The following ARFGAP3 variants were observed in gnomAD, a reference collection of about 807,000 sequenced individuals.
ARFGAP3 encodes ADP-ribosylation factor GTPase-activating protein 3.
Under a neutral mutation model 75.0 loss-of-function variants are expected in ARFGAP3, and 72 were observed. That is an observed-to-expected ratio of 0.96 (90% CI 0.79 to 1.17). ARFGAP3 has a LOEUF of 1.17. ARFGAP3 is among the 50% of genes most tolerant of loss of function. The probability of loss-of-function intolerance (pLI) is 0.00; values close to 1 mark genes in which losing one functional copy is unlikely to be tolerated. For synonymous variants in ARFGAP3, 221 were observed against 217.9 expected, an observed-to-expected ratio of 1.01 and a Z score of -0.13; for missense variants, 620 against 626.6, an observed-to-expected ratio of 0.99 and a Z score of 0.11.
Position 42,814,152 on chromosome 22 carries a change from T to TA in ARFGAP3, c.1064+2989dup, listed in dbSNP as rs371314455. ...TCCTAGAAATAATGGAACTCAATAATAAAAAAAAACAAGGACAGGTTTTAT... is the reference window on the plus strand; with the variant it reads ...TCCTAGAAATAATGGAACTCAATAATAAAAAAAAAACAAGGACAGGTTTTAT... On this transcript the variant is annotated intron_variant, in intron 11 of 15. Transcript: ENST00000263245. 3.0e-3 allele frequency among the ~76,000 whole-genome samples: 451 copies of TA among 151,264 alleles called. 1 individual carries two copies. The highest frequency in any genetic ancestry group is 9.0e-3 in the African/African-American group (370 of 41,306).
chr22:42,853,113 T>C (rs1366335545), intron 1 of ARFGAP3, among the ~76,000 whole-genome samples: 1 of 152,250 alleles, frequency 6.6e-6, no homozygotes, highest in Non-Finnish European at 1.5e-5. Context: ...TCTGATTCCT[T>C]TTATCATGTG....
At chr22:42,831,788 T>TC in intron 5 of ARFGAP3, 152 bp from the exon 6 acceptor site, 1 of 1,426,308 alleles carries the variant, frequency 7.0e-7, no homozygotes. Flanking sequence ...TTTCTTGCTT[T>TC]CTTTTTTTTT....
chr22:42,812,270 C>T (rs1192218044), intron 11 of ARFGAP3, among the ~76,000 whole-genome samples: 1 of 146,030 alleles, frequency 6.8e-6, no homozygotes, highest in African/African-American at 2.6e-5. Context: ...TGCCAGAATT[C>T]ACGATAGCTT....
intron 1 of ARFGAP3, among the ~76,000 whole-genome samples, chr22:42,852,095 T>A (rs1263539322): frequency 2.0e-5 from 3 of 150,826 alleles, no homozygotes; most frequent in East Asian, 3.9e-4. Context: ...TGAGATAGGG[T>A]CTCATGCTGG....
chr22:42,831,568 G>A lies in ARFGAP3; in HGVS notation c.546C>T (p.Thr182=). ...CTCCACCTTCATTATTTTCCAAAGT[G>A]GTTTCCACAGGCCTTGATGTTAAAG... ...PSSLTSRPVE[T]TLENNEGGQE... is the part of the protein sequence containing the mutation. The change falls in exon 6 of 16, where the codon ACC becomes ACT. Residue 182 remains threonine, a synonymous_variant. Coordinates refer to ENST00000263245, the MANE Select transcript of ARFGAP3 (RefSeq NM_014570.5). 6.2e-7 allele frequency: 1 copy of A among 1,613,568 alleles called. No individual in the cohort carries two copies. Among genetic ancestry groups the A allele is most frequent in the Non-Finnish European group, 8.5e-7 (1 of 1,179,844 alleles).
At position 42,857,147 on chromosome 22, in the gene ARFGAP3, G is replaced by T; in HGVS notation, c.36C>A (p.Ile12=). Residue 12 remains isoleucine (I), a synonymous_variant, in exon 1 of 16, where the codon ATC becomes ATA. Transcript: ENST00000263245. ...GDPSKQDILT[I]FKRLRSVPTN... ...TGGGCACCGAGCGGAGGCGCTTGAA[G>T]ATGGTCAAGATGTCCTGCTTGCTGG... is the stretch of plus-strand genomic sequence containing the variant. 6.6e-7 allele frequency: 1 copy of T among 1,514,756 alleles called. No homozygotes were observed. The highest frequency in any genetic ancestry group is 1.2e-5 in the South Asian group (1 of 80,926). 93.8% of individuals were successfully genotyped at this position (1,514,756 alleles called of 1,614,324 possible).
rs564968870 is a variant in ARFGAP3, at chr22:42,834,218, AATGATGTGAAGCATAAT to A, written c.477+7_477+23del. On this transcript the variant is annotated splice_region_variant and intron_variant, in intron 5 of 15. Coordinates refer to ENST00000263245, the MANE Select transcript of ARFGAP3 (RefSeq NM_014570.5). Reference sequence around the variant, plus strand: ...AACTGTCAGAGTAAGCACACTTTAAAATGATGTGAAGCATAATACATACCTCAGGAGAAACGTGAGAG... The same window carrying A: ...AACTGTCAGAGTAAGCACACTTTAAAACATACCTCAGGAGAAACGTGAGAG... 2.5e-4 allele frequency: 399 copies of A among 1,605,874 alleles called. 1 individual carries two copies. In the African/African-American group the frequency reaches 4.9e-3, roughly 20 times the overall value.
intron 11 of ARFGAP3, 21 bp downstream of exon 11, chr22:42,817,121 C>T (rs879153076): frequency 8.6e-6 from 13 of 1,520,234 alleles, no homozygotes; most frequent in South Asian, 2.3e-5. Flanking sequence ...GACACTTCAA[C>T]GATGATTTGT....
At chr22:42,856,001 A>G (rs913328259) in intron 1 of ARFGAP3, among the ~76,000 whole-genome samples, 8 of 152,188 alleles carry the variant, frequency 5.3e-5, no homozygotes, top group African/African-American at 1.9e-4. Context: ...GGATCAAGGC[A>G]CTACACTTCA....
intron 8 of ARFGAP3, among the ~76,000 whole-genome samples, chr22:42,823,036 C>T (rs983441641): frequency 1.2e-4 from 18 of 152,162 alleles, no homozygotes; most frequent in South Asian, 4.1e-4. Flanking sequence ...TCTTGAACTC[C>T]GGGGCTCAAG....
chr22:42,812,571 C>T (rs555093034), intron 11 of ARFGAP3, among the ~76,000 whole-genome samples: 1 of 152,072 alleles, frequency 6.6e-6, no homozygotes, highest in Admixed American at 6.6e-5. Flanking sequence ...GAAGCAAGAA[C>T]CCATAAGAGC....
chr22:42,816,375 C>G lies in ARFGAP3; in HGVS notation c.1064+767G>C, dbSNP rs370590771. 3.3e-5 allele frequency among the ~76,000 whole-genome samples: 5 copies of G among 152,208 alleles called. No individual in the cohort carries two copies. In the East Asian group the frequency reaches 7.7e-4, roughly 23 times the overall value. ...TGACAAGTAAGTGAAAGCCAGGATT[C>G]AAATCCATGCCATCTGGCCCCTGGG... On this transcript the variant is annotated intron_variant, in intron 11 of 15. Coordinates refer to ENST00000263245, the MANE Select transcript of ARFGAP3 (RefSeq NM_014570.5).
chr22:42,853,291 C>A lies in ARFGAP3; in HGVS notation c.69+3823G>T, dbSNP rs114255117. 8.0e-3 allele frequency: 1,283 copies of A among 159,410 alleles called. 27 individuals carry two copies. Among genetic ancestry groups the A allele is most frequent in the African/African-American group, 0.029 (1,235 of 41,974 alleles). The allele number at this position is 159,410 out of a possible 1,614,324, so 9.9% of individuals were successfully genotyped here. On this transcript the variant is annotated intron_variant, in intron 1 of 15. Coordinates refer to ENST00000263245, the MANE Select transcript of ARFGAP3 (RefSeq NM_014570.5). ...CACTGGTGGCTGGAAAATTAGCTTA[C>A]GGGAGTGTCTGTCACTCAGATGGGC...
At chr22:42,834,360 C>T in intron 4 of ARFGAP3, 35 bp from the exon 5 acceptor site, 1 of 1,605,174 alleles carries the variant, frequency 6.2e-7, no homozygotes, top group East Asian at 2.2e-5. Context: ...CTGAGCATTT[C>T]ATCCGGCCTG....
intron 14 of ARFGAP3, among the ~76,000 whole-genome samples, chr22:42,799,827 A>G (rs1210129067): frequency 1.3e-5 from 2 of 152,168 alleles, no homozygotes; most frequent in Admixed American, 1.3e-4. Context: ...AGCCAAATAG[A>G]TGCATCACTG....
At position 42,808,814 on chromosome 22, in the gene ARFGAP3, T is replaced by G. The variant is rs757780559; in HGVS notation, c.1273A>C (p.Lys425Gln). The change falls in exon 13 of 16, where the codon AAG (lysine) becomes CAG (glutamine). Residue 425 changes from lysine to glutamine, a missense_variant. Physicochemically the swap from Lys to Gln is moderately conservative, Grantham distance 53. Coordinates refer to ENST00000263245, the MANE Select transcript of ARFGAP3 (RefSeq NM_014570.5). ...DEAQKKFGNV[K>Q]AISSDMYFGR... The stretch of plus-strand genomic sequence containing the variant: ...AAATACATATCTGATGAAATGGCCT[T>G]GACATTGCCAAACTTCTTCTGGGCC... The G allele has an allele frequency of 6.2e-7, 1 of 1,613,900 alleles. No individual in the cohort carries two copies. The highest frequency in any genetic ancestry group is 1.1e-5 in the South Asian group (1 of 90,996).
chr22:42,833,191 G>C (rs1377194770), intron 5 of ARFGAP3, among the ~76,000 whole-genome samples: 3 of 152,128 alleles, frequency 2.0e-5, no homozygotes, highest in East Asian at 3.9e-4. Flanking sequence ...CTTTGTGCCA[G>C]GTACTAAGTA....
intron 13 of ARFGAP3, among the ~76,000 whole-genome samples, chr22:42,808,186 T>C (rs1925209598): frequency 6.6e-6 from 1 of 151,528 alleles, no homozygotes; most frequent in Admixed American, 6.6e-5. Context: ...TCACCTGAGG[T>C]CAGGAGTTCA....
In ARFGAP3 at chr22:42,817,248, C is replaced by G. The variant is rs772250057; in HGVS notation, c.958G>C (p.Val320Leu). Residue 320 changes from valine to leucine, a missense_variant, in exon 11 of 16, where the codon GTG becomes CTG. Physicochemically the swap from Val to Leu is conservative, Grantham distance 32 (BLOSUM62 1). Coordinates refer to ENST00000263245, the MANE Select transcript of ARFGAP3 (RefSeq NM_014570.5). ...GNCRSVISHS[V>L]TSDMQTIEQE... Reference sequence around the variant, plus strand: ...TCTATGGTCTGCATATCTGAAGTCACTGAATGTGAAATAACACTTGAGAAA... The same window carrying G: ...TCTATGGTCTGCATATCTGAAGTCAGTGAATGTGAAATAACACTTGAGAAA... 21 of 1,609,354 alleles carry G rather than the reference C, an allele frequency of 1.3e-5. No homozygotes were observed. Among genetic ancestry groups the G allele is most frequent in the Non-Finnish European group, 1.8e-5 (21 of 1,177,792 alleles).
Sources: allele counts gnomAD v4.1 joint callset (sites outside exome capture counted in the v4.1 genomes callset), GRCh38; gene constraint gnomAD v4.1.1; transcripts MANE v1.5; gene names NCBI Gene and HGNC (gene_info 2026-07-23, HGNC 2026-07-21).